The following LZTFL1 variants were observed in gnomAD, a reference collection of about 807,000 sequenced individuals.
LZTFL1 encodes the protein leucine zipper transcription factor like 1.
LZTFL1 carries 25 observed loss-of-function variants against 45.9 expected under a neutral mutation model. That is an observed-to-expected ratio of 0.54 (90% CI 0.40 to 0.76). The LOEUF (loss-of-function observed/expected upper bound fraction) is 0.76. Ranked by LOEUF, LZTFL1 falls within the 30% of genes least tolerant of loss-of-function variation. The pLI is 0.00. For synonymous variants in LZTFL1, 93 were observed against 117.4 expected (o/e 0.79, Z 1.35); for missense variants, 277 against 331.1 (o/e 0.84, Z 1.27).
Position 45,882,761 on chromosome 3 carries a change from C to A in LZTFL1, c.-214-23745G>T, listed in dbSNP as rs563112427. Among the ~76,000 whole-genome samples the A allele has an allele frequency of 4.0e-5, 6 of 151,580 alleles. No individual in the cohort carries two copies. In the South Asian group the frequency reaches 1.3e-3, roughly 32 times the overall value. On this transcript the variant is annotated intron_variant, in intron 2 of 4. Transcript: ENST00000472635. ...TATTCCTGAAATGCTCTTCAGTTGCCAGGTACAGCACTTGGTCCATAACCC... is the reference window on the plus strand; with the variant it reads ...TATTCCTGAAATGCTCTTCAGTTGCAAGGTACAGCACTTGGTCCATAACCC...
chr3:45,845,012 G>A (rs918187573), upstream of LZTFL1, among the ~76,000 whole-genome samples: 11 of 152,090 alleles, frequency 7.2e-5, no homozygotes, highest in African/African-American at 2.2e-4. Flanking sequence ...AACAAACACC[G>A]AAACCATCAA....
chr3:45,870,218 G>A (rs760687114), intron 2 of LZTFL1, among the ~76,000 whole-genome samples: 4 of 152,222 alleles, frequency 2.6e-5, no homozygotes, highest in Non-Finnish European at 5.9e-5. Context: ...TTGGGGTCAG[G>A]AAACCAGGTG....
intron 2 of LZTFL1, among the ~76,000 whole-genome samples, chr3:45,883,121 T>G (rs914164017): frequency 6.6e-6 from 1 of 152,190 alleles, no homozygotes; most frequent in African/African-American, 2.4e-5. Flanking sequence ...CATTTCCTAA[T>G]TTTCAACTTC....
At chr3:45,846,116 G>C (rs370886498), upstream of LZTFL1, among the ~76,000 whole-genome samples, 3 of 152,196 alleles carry the variant, frequency 2.0e-5, no homozygotes, top group Admixed American at 6.5e-5. Context: ...CTGGGTTCCA[G>C]ATACTGTGTT....
intron 3 of LZTFL1, 146 bp downstream of exon 3, chr3:45,835,444 A>G (rs982657554): frequency 2.6e-5 from 17 of 655,756 alleles, no homozygotes; most frequent in Non-Finnish European, 4.2e-5. Context: ...CCAAGAGATC[A>G]CTCAGTGACT....
At chr3:45,874,534 G>A (rs891273909) in intron 2 of LZTFL1, among the ~76,000 whole-genome samples, 1 of 152,110 alleles carries the variant, frequency 6.6e-6, no homozygotes, top group Admixed American at 6.5e-5. Flanking sequence ...CCTCCTCAGA[G>A]AGGCCTTCTC....
In LZTFL1 at chr3:45,824,839, C is replaced by T; in HGVS notation, c.*1475G>A. On this transcript the variant is annotated 3_prime_UTR_variant, in exon 10 of 10. Transcript: ENST00000296135. ...GAGAATGAAGCCCTCAACAAAAGCT[C>T]CAAAAGGGCACAGAAACTGGTAAGT... The T allele has an allele frequency of 2.5e-6, 1 of 398,274 alleles. No individual in the cohort carries two copies. Among genetic ancestry groups the T allele is most frequent in the East Asian group, 3.6e-5 (1 of 28,046 alleles). The allele number at this position is 398,274 out of a possible 1,614,324, so 24.7% of individuals were successfully genotyped here.
intron 2 of LZTFL1, chr3:45,884,002 G>C (rs1701914454): frequency 3.6e-6 from 1 of 277,020 alleles, no homozygotes; most frequent in African/African-American, 2.2e-5. Context: ...GGGTAGGTTG[G>C]GTCCTGAAGA....
intron 4 of LZTFL1, among the ~76,000 whole-genome samples, chr3:45,850,666 C>A (rs1701293629): frequency 6.6e-6 from 1 of 152,148 alleles, no homozygotes; most frequent in African/African-American, 2.4e-5. Flanking sequence ...GTCCTGAGAT[C>A]ATCAGCTTTT....
At chr3:45,913,224 A>G (rs1559432249) in intron 1 of LZTFL1, 1 of 1,311,578 alleles carries the variant, frequency 7.6e-7, no homozygotes, top group African/African-American at 1.5e-5. Context: ...TACTATTGTT[A>G]CTATTAACAA....
Position 45,824,696 on chromosome 3 carries a change from C to T in LZTFL1, c.*1618G>A. Reference sequence around the variant, plus strand: ...AAAATAATTGAATGGTTTCTGAAGGCCACACTAGCCCTTTAGCCAAGAGTT... The same window carrying T: ...AAAATAATTGAATGGTTTCTGAAGGTCACACTAGCCCTTTAGCCAAGAGTT... On this transcript the variant is annotated 3_prime_UTR_variant, in exon 10 of 10. Coordinates refer to ENST00000296135, the MANE Select transcript of LZTFL1 (RefSeq NM_020347.4). 2.5e-6 allele frequency: 1 copy of T among 396,978 alleles called. No homozygotes were observed. The highest frequency in any genetic ancestry group is 4.4e-6 in the Non-Finnish European group (1 of 225,086). 24.6% of individuals were successfully genotyped at this position (396,978 alleles called of 1,614,324 possible). A position where few individuals can be genotyped will look rare whatever the true frequency, so the allele number is the denominator to read the frequency against.
upstream of LZTFL1, among the ~76,000 whole-genome samples, chr3:45,842,619 T>A (rs1048277563): frequency 1.3e-5 from 2 of 152,180 alleles, no homozygotes; most frequent in African/African-American, 4.8e-5. Flanking sequence ...GTGTTGTTAT[T>A]ATCTTCTCTT....
At chr3:45,881,373 C>G (rs928589735) in intron 2 of LZTFL1, among the ~76,000 whole-genome samples, 1 of 152,190 alleles carries the variant, frequency 6.6e-6, no homozygotes, top group Non-Finnish European at 1.5e-5. Context: ...CTTCCCACAG[C>G]CTCCAACTGG....
chr3:45,894,223 G>A (rs1027394103), intron 2 of LZTFL1, among the ~76,000 whole-genome samples: 1 of 152,180 alleles, frequency 6.6e-6, no homozygotes, highest in African/African-American at 2.4e-5. Flanking sequence ...CTGTGCATTA[G>A]GGAACTAGAA....
intron 2 of LZTFL1, chr3:45,883,777 C>A: frequency 1.8e-6 from 1 of 565,644 alleles, no homozygotes; most frequent in South Asian, 2.5e-5. Flanking sequence ...TGAACACAGT[C>A]AGGAACAACT....
Position 45,901,221 on chromosome 3 carries a change from T to A in LZTFL1, c.-215+11899A>T, listed in dbSNP as rs1293215344. ...GATCATGTGCATCAGCGTGGACAGG[T>A]ACATTGCCATTGCCCAGGCCATGAG... is the stretch of plus-strand genomic sequence containing the variant. On this transcript the variant is annotated intron_variant, in intron 2 of 4. Transcript: ENST00000472635. This position sits in a 1 kb window ranked among gnomAD's most constrained non-coding sequence, Gnocchi z 4.3. 6.2e-7 allele frequency: 1 copy of A among 1,614,150 alleles called. No individual in the cohort carries two copies. The highest frequency in any genetic ancestry group is 8.5e-7 in the Non-Finnish European group (1 of 1,179,994).
chr3:45,870,007 C>T (rs887570169), intron 2 of LZTFL1, among the ~76,000 whole-genome samples: 4 of 152,250 alleles, frequency 2.6e-5, no homozygotes, highest in Admixed American at 2.6e-4. Context: ...GTCATTTTGT[C>T]ATACAACACT....
At chr3:45,889,528 C>T (rs1702083817) in intron 2 of LZTFL1, among the ~76,000 whole-genome samples, 1 of 151,798 alleles carries the variant, frequency 6.6e-6, no homozygotes, top group African/African-American at 2.4e-5. Flanking sequence ...TTTATGACAG[C>T]TCTTAAAATA....
intron 2 of LZTFL1, among the ~76,000 whole-genome samples, chr3:45,912,527 T>C (rs1342609911): frequency 6.6e-6 from 1 of 152,222 alleles, no homozygotes; most frequent in African/African-American, 2.4e-5. Flanking sequence ...TTACTCACTC[T>C]CTTGGAAACC....
Sources: gnomAD v4.1 joint callset for allele counts (sites outside exome capture counted in the v4.1 genomes callset) on GRCh38, gnomAD v4.1.1 for gene constraint, Gnocchi (gnomAD v3.1) non-coding constraint, MANE v1.5 for transcripts, NCBI Gene and HGNC (gene_info 2026-07-23, HGNC 2026-07-21) for gene names.